Variants in SPRYD4 observed in about 807,000 individuals in gnomAD.
SPRYD4 encodes SPRY domain containing 4.
Under a neutral mutation model 16.6 loss-of-function variants are expected in SPRYD4, and 12 were observed. That is an observed-to-expected ratio of 0.72 (90% CI 0.46 to 1.17). The LOEUF (loss-of-function observed/expected upper bound fraction) is 1.17, where lower values mean the gene tolerates loss of function less well. Among genes scored for constraint, SPRYD4 ranks in the 50% most tolerant of loss-of-function variants. SPRYD4 has a pLI of 0.00. For synonymous variants in SPRYD4, 98 were observed against 105.4 expected, an observed-to-expected ratio of 0.93 and a Z score of 0.43; for missense variants, 260 against 260.2, an observed-to-expected ratio of 1.00 and a Z score of 0.00.
Position 56,473,612 on chromosome 12 carries a change from A to T in SPRYD4, c.*4035A>T. On this transcript the variant is annotated 3_prime_UTR_variant, in exon 2 of 2. Transcript: ENST00000338146. ...AGGCCCACCTGGGGAACAGAACTGA[A>T]GCTGAGGATAAAGTGGGTGTGCCCC... 6.2e-7 allele frequency: 1 copy of T among 1,600,454 alleles called. No individual in the cohort carries two copies. The highest frequency in any genetic ancestry group is 8.5e-7 in the Non-Finnish European group (1 of 1,173,068).
rs989712038 is a variant in SPRYD4, at chr12:56,475,566, C to T, written c.*5989C>T. On this transcript the variant is annotated 3_prime_UTR_variant, in exon 2 of 2. Coordinates refer to ENST00000338146, the MANE Select transcript of SPRYD4 (RefSeq NM_207344.4). ...CTCCCCCATTCCTCTTGTCCCCATC[C>T]TAAGTACACACACATACACCACAAT... 7.9e-5 allele frequency: 123 copies of T among 1,556,400 alleles called. No homozygotes were observed. Among genetic ancestry groups the T allele is most frequent in the Non-Finnish European group, 1.0e-4 (117 of 1,131,724 alleles).
chr12:56,469,647 TA>T lies in SPRYD4; in HGVS notation c.*71del, dbSNP rs1869154337. On this transcript the variant is annotated 3_prime_UTR_variant, in exon 2 of 2. Coordinates refer to ENST00000338146, the MANE Select transcript of SPRYD4 (RefSeq NM_207344.4). ...CTTTTGAAAGTGTCCGAAGCCTTTT[TA>T]CTTTGCCTCAAGCAACCTCTAGCTC... is the stretch of plus-strand genomic sequence containing the variant. 6.8e-7 allele frequency: 1 copy of T among 1,472,468 alleles called. No homozygotes were observed. Among genetic ancestry groups the T allele is most frequent in the Non-Finnish European group, 9.0e-7 (1 of 1,105,938 alleles). 91.2% of individuals were successfully genotyped at this position (1,472,468 alleles called of 1,614,324 possible). A position where few individuals can be genotyped will look rare whatever the true frequency, so the allele number is the denominator to read the frequency against.
chr12:56,469,004 CCT>C (rs774368499), intron 1 of SPRYD4, 33 bp from the exon 2 acceptor site: 14 of 1,531,144 alleles, frequency 9.1e-6, no homozygotes, highest in Admixed American at 4.3e-5. Context: ...GGTTCTAGCC[CCT>C]GTTATTATCC....
chr12:56,474,728 A>G lies in SPRYD4; in HGVS notation c.*5151A>G, dbSNP rs200412931. Reference sequence around the variant, plus strand: ...GACCTCCACAGAACACAGCTATGAAAACAAAGAATAGGTGAAGATGTGACG... The same window carrying G: ...GACCTCCACAGAACACAGCTATGAAGACAAAGAATAGGTGAAGATGTGACG... On this transcript the variant is annotated 3_prime_UTR_variant, in exon 2 of 2. Coordinates refer to ENST00000338146, the MANE Select transcript of SPRYD4 (RefSeq NM_207344.4). 1.7e-5 allele frequency: 27 copies of G among 1,608,262 alleles called. No homozygotes were observed. In the East Asian group the frequency reaches 6.0e-4, roughly 36 times the overall value.
rs1292900374 is a variant in SPRYD4, at chr12:56,476,905, T to TA, written c.*7334dup. 3 of 152,100 alleles carry TA rather than the reference T, an allele frequency of 2.0e-5. No homozygotes were observed. The highest frequency in any genetic ancestry group is 7.2e-5 in the African/African-American group (3 of 41,398). 9.4% of individuals were successfully genotyped at this position (152,100 alleles called of 1,614,324 possible). A position where few individuals can be genotyped will look rare whatever the true frequency, so the allele number is the denominator to read the frequency against. On this transcript the variant is annotated 3_prime_UTR_variant, in exon 2 of 2. Coordinates refer to ENST00000338146, the MANE Select transcript of SPRYD4 (RefSeq NM_207344.4). ...CACCGCGCCTGGCCTCTATATTTTT[T>TA]AAAAAAGGTCCTACTTAGATGGGAA...
rs1393256129 is a variant in SPRYD4, at chr12:56,468,684, T to C, written c.85+8T>C. 3 of 1,611,994 alleles carry C rather than the reference T, an allele frequency of 1.9e-6. No homozygotes were observed. The highest frequency in any genetic ancestry group is 1.7e-6 in the Non-Finnish European group (2 of 1,178,156). On this transcript the variant is annotated splice_region_variant and intron_variant, in intron 1 of 1. Coordinates refer to ENST00000338146, the MANE Select transcript of SPRYD4 (RefSeq NM_207344.4). ...CCACAGAGGCCCAGAGAGGTAGGAT[T>C]ATCTCTTTTTACTCTTTTACCTCCA...
chr12:56,471,749 C>T lies in SPRYD4; in HGVS notation c.*2172C>T, dbSNP rs949063277. The T allele has an allele frequency of 2.2e-5, 35 of 1,613,928 alleles. No individual in the cohort carries two copies. Among genetic ancestry groups the T allele is most frequent in the Non-Finnish European group, 2.8e-5 (33 of 1,179,924 alleles). The stretch of plus-strand genomic sequence containing the variant: ...AGGTGGAGAAGCTGTGCCCACCCTC[C>T]TCCACTTTTAGCCTATTCCTCACCT... On this transcript the variant is annotated 3_prime_UTR_variant, in exon 2 of 2. Coordinates refer to ENST00000338146, the MANE Select transcript of SPRYD4 (RefSeq NM_207344.4).
In SPRYD4 at chr12:56,476,117, T is replaced by C. The variant is rs1279875019; in HGVS notation, c.*6540T>C. On this transcript the variant is annotated 3_prime_UTR_variant, in exon 2 of 2. Coordinates refer to ENST00000338146, the MANE Select transcript of SPRYD4 (RefSeq NM_207344.4). ...TTCAATTTTATAATGGCCCTTTTTT[T>C]ATCCTTCTGAAAACACCGCACTTCC... 4.0e-6 allele frequency: 3 copies of C among 742,364 alleles called. No individual in the cohort carries two copies. Among genetic ancestry groups the C allele is most frequent in the Non-Finnish European group, 6.8e-6 (3 of 441,636 alleles). The allele number at this position is 742,364 out of a possible 1,614,324, so 46.0% of individuals were successfully genotyped here.
Position 56,474,936 on chromosome 12 carries a change from T to C in SPRYD4, c.*5359T>C, listed in dbSNP as rs377034391. ...GGGGAGAGCATTTCTCTTCAGGACATCAGCCCTTTCACACTGTCAGGGTCT... is the reference window on the plus strand; with the variant it reads ...GGGGAGAGCATTTCTCTTCAGGACACCAGCCCTTTCACACTGTCAGGGTCT... On this transcript the variant is annotated 3_prime_UTR_variant, in exon 2 of 2. Coordinates refer to ENST00000338146, the MANE Select transcript of SPRYD4 (RefSeq NM_207344.4). 1 of 1,613,992 alleles carries C rather than the reference T, an allele frequency of 6.2e-7. No individual in the cohort carries two copies. Among genetic ancestry groups the C allele is most frequent in the Non-Finnish European group, 8.5e-7 (1 of 1,179,962 alleles).
intron 1 of SPRYD4, 118 bp downstream of exon 1, chr12:56,468,794 G>A: frequency 1.7e-6 from 2 of 1,198,938 alleles, no homozygotes; most frequent in Non-Finnish European, 1.2e-6. Context: ...CACCTGCCTT[G>A]GTCTTAAGAT....
chr12:56,477,879 G>T lies in SPRYD4; in HGVS notation c.*8302G>T. On this transcript the variant is annotated 3_prime_UTR_variant, in exon 2 of 2. Transcript: ENST00000338146. ...CAAAAAAGGCTGGGAGATGGGGTGG[G>T]GATAAGGAGAAGGGGACAGCTGTAA... The T allele has an allele frequency of 6.3e-7, 1 of 1,579,862 alleles. No individual in the cohort carries two copies.
rs952399444 is a variant in SPRYD4, at chr12:56,472,885, CTTTTT to C, written c.*3324_*3328del. ...ATGGAATGTGCTACTCTGAAATATT[CTTTTT>C]TTTTTTTTTTTTTTTGAGACGGAGT... On this transcript the variant is annotated 3_prime_UTR_variant, in exon 2 of 2. Coordinates refer to ENST00000338146, the MANE Select transcript of SPRYD4 (RefSeq NM_207344.4). 1.6e-3 allele frequency: 653 copies of C among 398,584 alleles called. No homozygotes were observed. The highest frequency in any genetic ancestry group is 2.4e-3 in the East Asian group (49 of 20,020). The allele number at this position is 398,584 out of a possible 1,614,324, so 24.7% of individuals were successfully genotyped here. A position where few individuals can be genotyped will look rare whatever the true frequency, so the allele number is the denominator to read the frequency against.
rs142929613 is a variant in SPRYD4 at position 56,471,505 on chromosome 12, G to A, written c.*1928G>A. 542 of 1,613,580 alleles carry A rather than the reference G, an allele frequency of 3.4e-4. 1 individual carries two copies. Among genetic ancestry groups the A allele is most frequent in the Middle Eastern group, 2.0e-3 (12 of 6,052 alleles). On this transcript the variant is annotated 3_prime_UTR_variant, in exon 2 of 2. Coordinates refer to ENST00000338146, the MANE Select transcript of SPRYD4 (RefSeq NM_207344.4). ...CCTGTGCTCATACCATGCTTTCTAA[G>A]TTCTCTTTGGACAGGGCCTCAGCTG...
In SPRYD4 at chr12:56,471,797, T is replaced by C; in HGVS notation, c.*2220T>C. The C allele has an allele frequency of 6.2e-7, 1 of 1,614,136 alleles. No individual in the cohort carries two copies. Among genetic ancestry groups the C allele is most frequent in the Non-Finnish European group, 8.5e-7 (1 of 1,180,026 alleles). On this transcript the variant is annotated 3_prime_UTR_variant, in exon 2 of 2. Transcript: ENST00000338146. The stretch of plus-strand genomic sequence containing the variant: ...CCTGTCCTTGGCAAAAGGATTCACT[T>C]TGCAAGCCTCGATCAGGAATTTAAC...
Position 56,479,196 on chromosome 12 carries a change from C to A in SPRYD4, c.*9619C>A. ...TGCTCACACACCTGGATCCCAGACA[C>A]GATTGGATTAGGGGGCTAGAGAAAT... On this transcript the variant is annotated 3_prime_UTR_variant, in exon 2 of 2. Coordinates refer to ENST00000338146, the MANE Select transcript of SPRYD4 (RefSeq NM_207344.4). 6.2e-7 allele frequency: 1 copy of A among 1,612,180 alleles called. No individual in the cohort carries two copies. Among genetic ancestry groups the A allele is most frequent in the Non-Finnish European group, 8.5e-7 (1 of 1,179,812 alleles).
In SPRYD4 at chr12:56,471,308, C is replaced by G. The variant is rs540543172; in HGVS notation, c.*1731C>G. The G allele has an allele frequency of 3.4e-5, 22 of 638,928 alleles. 1 individual carries two copies. The South Asian group carries it at 4.4e-4, about 13-fold the overall frequency. 39.6% of individuals were successfully genotyped at this position (638,928 alleles called of 1,614,324 possible). Reference sequence around the variant, plus strand: ...GTCCTCTGAGGCCCTTCTCTGTACTCTGTCTGCTGAGGGAATGGGGTATTT... The same window carrying G: ...GTCCTCTGAGGCCCTTCTCTGTACTGTGTCTGCTGAGGGAATGGGGTATTT... On this transcript the variant is annotated 3_prime_UTR_variant, in exon 2 of 2. Transcript: ENST00000338146.
Position 56,479,228 on chromosome 12 carries a change from G to A in SPRYD4, c.*9651G>A. The A allele has an allele frequency of 6.2e-7, 1 of 1,603,768 alleles. No individual in the cohort carries two copies. The highest frequency in any genetic ancestry group is 8.5e-7 in the Non-Finnish European group (1 of 1,177,328). The stretch of plus-strand genomic sequence containing the variant: ...ATTAGGGGGCTAGAGAAATGCAGCT[G>A]GGACTCACTCTGGAGCCACGGAAAT... On this transcript the variant is annotated 3_prime_UTR_variant, in exon 2 of 2. Coordinates refer to ENST00000338146, the MANE Select transcript of SPRYD4 (RefSeq NM_207344.4).
rs374881663 is a variant in SPRYD4, at chr12:56,478,260, C to T, written c.*8683C>T. On this transcript the variant is annotated 3_prime_UTR_variant, in exon 2 of 2. Transcript: ENST00000338146. ...TGGCCAGCTGAGGGATGTAGGCTGC[C>T]ACCTGGACATGAGTGGGTAGAGAAA... 1.2e-6 allele frequency: 2 copies of T among 1,614,010 alleles called. No individual in the cohort carries two copies. Among genetic ancestry groups the T allele is most frequent in the African/African-American group, 2.7e-5 (2 of 74,904 alleles).
chr12:56,479,019 C>T lies in SPRYD4; in HGVS notation c.*9442C>T, dbSNP rs1166627293. ...AAAAAAAAAAAAATCTGGCCCAGGT[C>T]CCTGACCCCTCCCTTAGTCCCCTGA... On this transcript the variant is annotated 3_prime_UTR_variant, in exon 2 of 2. Transcript: ENST00000338146. 2.5e-6 allele frequency: 4 copies of T among 1,604,428 alleles called. No individual in the cohort carries two copies. Among genetic ancestry groups the T allele is most frequent in the Admixed American group, 1.7e-5 (1 of 58,166 alleles).
Sources: gnomAD v4.1 joint callset for allele counts on GRCh38, gnomAD v4.1.1 for gene constraint, MANE v1.5 for transcripts, NCBI Gene and HGNC (gene_info 2026-07-23, HGNC 2026-07-21) for gene names.